PALS1: variants seen among roughly 807,000 people sequenced by gnomAD.
PALS1 encodes the protein protein associated with LIN7 1, MAGUK p55 family member.
Under a neutral mutation model 78.9 loss-of-function variants are expected in PALS1, and 31 were observed. The ratio of observed to expected loss-of-function variants is 0.39; its 90% confidence interval spans 0.30 to 0.53. The LOEUF (loss-of-function observed/expected upper bound fraction) is 0.53. Ranked by LOEUF, PALS1 falls within the 20% of genes least tolerant of loss-of-function variation. The pLI is 0.67. For missense variants in PALS1, 704 were observed against 826.5 expected (o/e 0.85, Z 1.82); for synonymous variants, 276 against 270.9 (o/e 1.02, Z -0.18).
At chr14:67,271,727 T>G (rs1230718444) in intron 2 of PALS1, 1 of 152,196 alleles carries the variant, frequency 6.6e-6, no homozygotes, top group African/African-American at 2.4e-5. Context: ...AAGGGAAATA[T>G]GAGTTTAATT....
chr14:67,286,123 C>G (rs2084682099), intron 3 of PALS1, among the ~76,000 whole-genome samples: 1 of 152,196 alleles, frequency 6.6e-6, no homozygotes, highest in African/African-American at 2.4e-5. Context: ...TTGTTACAGA[C>G]TTGAATTTAC....
At chr14:67,318,769 G>C (rs1404239643) in intron 11 of PALS1, among the ~76,000 whole-genome samples, 1 of 152,088 alleles carries the variant, frequency 6.6e-6, no homozygotes, top group African/African-American at 2.4e-5. Flanking sequence ...TTCAAGTTTA[G>C]ATATTAGGCC....
intron 3 of PALS1, 37 bp from the exon 4 acceptor site, chr14:67,292,474 A>G (rs1566554902): frequency 3.6e-6 from 5 of 1,383,708 alleles, no homozygotes; most frequent in African/African-American, 1.4e-5. Flanking sequence ...TAATACTGAA[A>G]CAGTTAATTT....
intron 13 of PALS1, among the ~76,000 whole-genome samples, chr14:67,322,629 C>T (rs1324495602): frequency 1.3e-5 from 2 of 152,032 alleles, no homozygotes; most frequent in Admixed American, 1.3e-4. Flanking sequence ...TCTACTATTT[C>T]AATTATAAAT....
intron 1 of PALS1, among the ~76,000 whole-genome samples, chr14:67,267,266 A>G (rs187873960): frequency 6.6e-6 from 1 of 152,182 alleles, no homozygotes; most frequent in East Asian, 1.9e-4. Context: ...TTATTTATTT[A>G]TTTTTTAATG....
chr14:67,283,935 G>A (rs2084639987), intron 3 of PALS1, among the ~76,000 whole-genome samples: 1 of 152,170 alleles, frequency 6.6e-6, no homozygotes, highest in Non-Finnish European at 1.5e-5. Flanking sequence ...AATGTATGCG[G>A]TAGCTGCATA....
At chr14:67,302,770 G>A (rs1358249134) in intron 7 of PALS1, among the ~76,000 whole-genome samples, 199 bp downstream of exon 7, 2 of 151,966 alleles carry the variant, frequency 1.3e-5, no homozygotes, top group East Asian at 1.9e-4. Flanking sequence ...ACTTTCTGAT[G>A]TATCACTATC....
rs2085475958 is a variant in PALS1 at position 67,333,115 on chromosome 14, C to T, written c.*159C>T. ...TCTTGAATTAGTGAGACGACAGTTC[C>T]CTTAGGCAGTTTGTGCATGGCATCC... is the stretch of plus-strand genomic sequence containing the variant. On this transcript the variant is annotated 3_prime_UTR_variant, in exon 15 of 15. Transcript: ENST00000261681. 6.7e-6 allele frequency: 4 copies of T among 598,166 alleles called. No homozygotes were observed. The highest frequency in any genetic ancestry group is 8.3e-4 in the Middle Eastern group (2 of 2,406). The allele number at this position is 598,166 out of a possible 1,614,324, so 37.1% of individuals were successfully genotyped here.
chr14:67,302,526 C>A lies in PALS1; in HGVS notation c.918C>A (p.Gly306=). 1 of 1,587,484 alleles carries A rather than the reference C, an allele frequency of 6.3e-7. No individual in the cohort carries two copies. The highest frequency in any genetic ancestry group is 8.6e-7 in the Non-Finnish European group (1 of 1,168,266). ...HEGDEVLEIN[G]IEIRGKDVNE... ...GAGATGAAGTTCTAGAGATTAATGG[C>A]ATTGAAATTCGGGGGAAAGATGTCA... is the stretch of plus-strand genomic sequence containing the variant. The change falls in exon 7 of 15, where the codon GGC becomes GGA. Residue 306 remains glycine (G), a synonymous_variant. Coordinates refer to ENST00000261681, the MANE Select transcript of PALS1 (RefSeq NM_022474.4).
At chr14:67,250,987 C>T (rs933111179) in intron 1 of PALS1, among the ~76,000 whole-genome samples, 1 of 152,178 alleles carries the variant, frequency 6.6e-6, no homozygotes, top group African/African-American at 2.4e-5. Flanking sequence ...TTAACAACTA[C>T]ATTTCAAGTT....
chr14:67,262,551 C>A (rs929660452), intron 1 of PALS1, among the ~76,000 whole-genome samples: 1 of 152,080 alleles, frequency 6.6e-6, no homozygotes, highest in Non-Finnish European at 1.5e-5. Flanking sequence ...CTGCTACTTC[C>A]CTTTATCCTG....
intron 8 of PALS1, among the ~76,000 whole-genome samples, chr14:67,311,235 C>T (rs932177453): frequency 7.0e-5 from 10 of 143,510 alleles, no homozygotes; most frequent in Non-Finnish European, 1.0e-4. Context: ...CACTTGAACC[C>T]GGGAGATGGA....
intron 14 of PALS1, among the ~76,000 whole-genome samples, chr14:67,329,581 T>G (rs1477016107): frequency 6.6e-6 from 1 of 152,174 alleles, no homozygotes; most frequent in Non-Finnish European, 1.5e-5. Context: ...TGCTTCCAGT[T>G]TTTGTCCATT....
At chr14:67,261,136 A>C (rs2084229807) in intron 1 of PALS1, among the ~76,000 whole-genome samples, 1 of 152,218 alleles carries the variant, frequency 6.6e-6, no homozygotes, top group South Asian at 2.1e-4. Flanking sequence ...TGAATGGTAC[A>C]TAGTAAATTC....
At chr14:67,263,642 T>C (rs565834575) in intron 1 of PALS1, among the ~76,000 whole-genome samples, 2 of 152,324 alleles carry the variant, frequency 1.3e-5, no homozygotes, top group South Asian at 2.1e-4. Context: ...GTGTTTTGGC[T>C]CTACCACTTA....
chr14:67,330,150 TA>T (rs1566586889), intron 14 of PALS1, among the ~76,000 whole-genome samples: 23 of 140,298 alleles, frequency 1.6e-4, no homozygotes, highest in African/African-American at 3.6e-4. Flanking sequence ...ATAATAATAA[TA>T]ATAATTATTA....
intron 8 of PALS1, among the ~76,000 whole-genome samples, chr14:67,308,481 A>G (rs753670518): frequency 1.5e-4 from 23 of 151,912 alleles, no homozygotes; most frequent in Non-Finnish European, 3.2e-4. Context: ...AGGAGTGTCC[A>G]TTGAGCAAGT....
At chr14:67,298,918 A>G (rs1229825854) in intron 4 of PALS1, among the ~76,000 whole-genome samples, 3 of 152,222 alleles carry the variant, frequency 2.0e-5, no homozygotes, top group African/African-American at 4.8e-5. Flanking sequence ...TATAAATGTA[A>G]TAAGACAATA....
intron 8 of PALS1, among the ~76,000 whole-genome samples, chr14:67,308,961 C>T (rs2085049833): frequency 6.6e-6 from 1 of 151,994 alleles, no homozygotes; most frequent in African/African-American, 2.4e-5. Flanking sequence ...TACCCTATCC[C>T]CATTTCATCA....
Sources: gnomAD v4.1 joint callset for allele counts (sites outside exome capture counted in the v4.1 genomes callset) on GRCh38, gnomAD v4.1.1 for gene constraint, MANE v1.5 for transcripts, NCBI Gene and HGNC (gene_info 2026-07-23, HGNC 2026-07-21) for gene names.